Variants in ZNF248 observed in about 807,000 individuals in gnomAD.
The protein encoded by ZNF248 is KRAB protein domain.
Under a neutral mutation model 44.3 loss-of-function variants are expected in ZNF248, and 20 were observed. The ratio of observed to expected loss-of-function variants is 0.45; its 90% confidence interval spans 0.32 to 0.66. The LOEUF is 0.66. ZNF248 is among the 30% of genes least tolerant of loss of function. The pLI, the probability that ZNF248 is intolerant of heterozygous loss-of-function variation, is 0.04. For missense variants in ZNF248, 654 were observed against 677.0 expected, an observed-to-expected ratio of 0.97 and a Z score of 0.38; for synonymous variants, 224 against 229.0, an observed-to-expected ratio of 0.98 and a Z score of 0.20.
At chr10:37,796,307 C>G (rs1392158882) in intron 6 of ZNF248, among the ~76,000 whole-genome samples, 1 of 151,570 alleles carries the variant, frequency 6.6e-6, no homozygotes, top group Non-Finnish European at 1.5e-5. Context: ...CCTCTGACTC[C>G]TGGGTTCAAG....
intron 6 of ZNF248, among the ~76,000 whole-genome samples, chr10:37,798,087 TA>T (rs2049364038): frequency 6.6e-6 from 1 of 152,084 alleles, no homozygotes; most frequent in Admixed American, 6.5e-5. Flanking sequence ...TGATAATAGA[TA>T]AACTAAATTT....
chr10:37,832,299 A>C lies in ZNF248; in HGVS notation c.1056T>G (p.Tyr352Ter). The change falls in exon 6 of 6, where the codon TAT becomes TAG. Residue 352 changes from tyrosine (Y) to a stop codon, truncating the protein, a stop_gained. Transcript: ENST00000395867. LOFTEE classifies it high-confidence loss of function. Reference sequence around the variant, plus strand: ...AATTACTCCCATTTTCATTGTAATCATAAGACTTTCCCCCCATGTGTACTA... The same window carrying C: ...AATTACTCCCATTTTCATTGTAATCCTAAGACTTTCCCCCCATGTGTACTA... ...HQIVHMGGKS[Y>*]DYNENGSNFS... The C allele has an allele frequency of 6.2e-7, 1 of 1,614,052 alleles. No homozygotes were observed. The highest frequency in any genetic ancestry group is 1.3e-5 in the African/African-American group (1 of 75,042).
At chr10:37,770,628 G>A in the ZNF248 span, among the ~76,000 whole-genome samples, 1 of 152,008 alleles carries the variant, frequency 6.6e-6, no homozygotes, top group African/African-American at 2.4e-5. Context: ...AATTCAAGAT[G>A]GATTAAAGAC....
chr10:37,794,023 AT>A (rs2048855280), intron 6 of ZNF248, among the ~76,000 whole-genome samples: 1 of 152,096 alleles, frequency 6.6e-6, no homozygotes, highest in African/African-American at 2.4e-5. Context: ...TTATGCTTAT[AT>A]ATACAAGGTT....
chr10:37,832,486 G>C lies in ZNF248; in HGVS notation c.869C>G (p.Ala290Gly), dbSNP rs2056046459. Reference sequence around the variant, plus strand: ...TTCATAAGGATTGTCCTTTGTAAGAGCTCTCTGATGTCCAAACCTTAAATT... The same window carrying C: ...TTCATAAGGATTGTCCTTTGTAAGACCTCTCTGATGTCCAAACCTTAAATT... Reference protein sequence around the residue: ...CMNLRFGHQRALTKDNPYEYN... With the variant: ...CMNLRFGHQRGLTKDNPYEYN... Residue 290 changes from alanine to glycine, a missense_variant, in exon 6 of 6, where the codon GCT becomes GGT. Ala to Gly is a moderately conservative substitution (Grantham distance 60). Transcript: ENST00000395867. 1.2e-6 allele frequency: 2 copies of C among 1,613,766 alleles called. No individual in the cohort carries two copies. The highest frequency in any genetic ancestry group is 1.7e-6 in the Non-Finnish European group (2 of 1,179,938).
chr10:37,825,897 G>GA (rs34044220), downstream of ZNF248, among the ~76,000 whole-genome samples: 32,188 of 140,656 alleles, frequency 0.23, 3,636 homozygotes, highest in East Asian at 0.41. Context: ...GTCTGCAGGT[G>GA]AAAAAAAAAA....
chr10:37,838,601 C>G (rs2057705168), intron 3 of ZNF248, among the ~76,000 whole-genome samples: 1 of 152,040 alleles, frequency 6.6e-6, no homozygotes, highest in Non-Finnish European at 1.5e-5. Flanking sequence ...TCTACATGCC[C>G]ATCAGAGAAA....
chr10:37,768,237 G>T, the ZNF248 span, among the ~76,000 whole-genome samples: 1 of 152,106 alleles, frequency 6.6e-6, no homozygotes, highest in Non-Finnish European at 1.5e-5. Flanking sequence ...AGTTAACAAG[G>T]ATACCCAGGA....
chr10:37,820,842 C>A, intron 6 of ZNF248: 2 of 1,194,912 alleles, frequency 1.7e-6, no homozygotes, highest in Non-Finnish European at 2.5e-6. Context: ...ATTTCCCATT[C>A]TGTTTTGCAT....
chr10:37,818,097 T>C (rs546072718), intron 6 of ZNF248, among the ~76,000 whole-genome samples: 23 of 152,034 alleles, frequency 1.5e-4, no homozygotes, highest in Non-Finnish European at 2.9e-4. Flanking sequence ...TTTGTATTTT[T>C]AGTAGAGACG....
intron 6 of ZNF248, chr10:37,796,156 A>AC: frequency 6.6e-6 from 1 of 152,142 alleles, no homozygotes; most frequent in Non-Finnish European, 1.5e-5. Context: ...GTAATAATAA[A>AC]AGGGGGGGAA....
intron 6 of ZNF248, among the ~76,000 whole-genome samples, chr10:37,788,876 CT>C (rs58103226): frequency 3.9e-3 from 567 of 146,036 alleles, no homozygotes; most frequent in African/African-American, 8.7e-3. Context: ...TCTAGAAAGA[CT>C]TTTTTTTTTT....
intron 6 of ZNF248, among the ~76,000 whole-genome samples, chr10:37,792,237 G>A (rs934915855): frequency 1.3e-5 from 2 of 152,178 alleles, no homozygotes; most frequent in East Asian, 3.8e-4. Flanking sequence ...ATGGAGACAT[G>A]TAAGACTGCC....
chr10:37,760,597 G>T, the ZNF248 span, among the ~76,000 whole-genome samples: 1 of 152,158 alleles, frequency 6.6e-6, no homozygotes, highest in African/African-American at 2.4e-5. Context: ...GCACTTTGGG[G>T]GACTGAGGCA....
intron 5 of ZNF248, among the ~76,000 whole-genome samples, chr10:37,835,493 C>G (rs1253636493): frequency 6.6e-6 from 1 of 152,126 alleles, no homozygotes; most frequent in African/African-American, 2.4e-5. Flanking sequence ...ATTATTGTCC[C>G]AAGACTACTC....
chr10:37,759,517 G>A, the ZNF248 span, among the ~76,000 whole-genome samples: 63 of 152,302 alleles, frequency 4.1e-4, no homozygotes, highest in African/African-American at 1.4e-3. Context: ...GAAGAATGAG[G>A]AGAGAAATTA....
chr10:37,829,923 G>C lies in ZNF248; in HGVS notation c.*1692C>G. On this transcript the variant is annotated 3_prime_UTR_variant, in exon 6 of 6. Coordinates refer to ENST00000395867, the MANE Select transcript of ZNF248 (RefSeq NM_021045.3). The stretch of plus-strand genomic sequence containing the variant: ...TACCACCTAAGTCATCTGGGAGAAG[G>C]ATGCACAAAAATATAAAATTTAGCT... 1.0e-6 allele frequency: 1 copy of C among 985,374 alleles called. No individual in the cohort carries two copies. Among genetic ancestry groups the C allele is most frequent in the African/African-American group, 1.7e-5 (1 of 57,344 alleles). The allele number at this position is 985,374 out of a possible 1,614,324, so 61.0% of individuals were successfully genotyped here.
At chr10:37,833,463 C>T (rs1276668003) in intron 5 of ZNF248, among the ~76,000 whole-genome samples, 1 of 152,212 alleles carries the variant, frequency 6.6e-6, no homozygotes, top group Non-Finnish European at 1.5e-5. Flanking sequence ...GTGAACCCAA[C>T]AGAGACAATG....
chr10:37,770,404 T>C, the ZNF248 span, among the ~76,000 whole-genome samples: 2 of 152,234 alleles, frequency 1.3e-5, no homozygotes, highest in African/African-American at 4.8e-5. Context: ...CAAAACAGCA[T>C]GGTACTGGTA....
Sources: allele counts gnomAD v4.1 joint callset (sites outside exome capture counted in the v4.1 genomes callset), GRCh38; gene constraint gnomAD v4.1.1; transcripts MANE v1.5; gene names NCBI Gene and HGNC (gene_info 2026-07-23, HGNC 2026-07-21).